Variants in CFAP47 observed in about 807,000 individuals in gnomAD.
CFAP47 encodes the protein cilia and flagella associated protein 47.
A neutral mutation model predicts 148.1 loss-of-function variants in CFAP47; 29 were observed. The ratio of observed to expected loss-of-function variants is 0.20; its 90% CI spans 0.15 to 0.27. CFAP47 has a LOEUF of 0.27. CFAP47 is among the 10% of genes least tolerant of loss of function. The probability of loss-of-function intolerance (pLI) is 1.00; values close to 1 mark genes in which losing one functional copy is unlikely to be tolerated. For synonymous variants in CFAP47, 664 were observed against 577.3 expected (o/e 1.15, Z -2.15); for missense variants, 1,872 against 1,697.5 (o/e 1.10, Z -1.81).
intron 23 of CFAP47, among the ~76,000 whole-genome samples, chrX:36,033,176 G>A (rs1184214141): frequency 8.9e-6 from 1 of 111,733 alleles, no homozygotes; most frequent in African/African-American, 3.2e-5. Context: ...AATCTGTTAT[G>A]GCAGCAACAG....
intron 39 of CFAP47, among the ~76,000 whole-genome samples, chrX:36,168,458 G>A (rs1939520649): frequency 8.9e-6 from 1 of 112,075 alleles, no homozygotes; most frequent in East Asian, 2.8e-4. Flanking sequence ...TATCTGCAAT[G>A]TATCTCTTTT....
chrX:35,929,056 A>G (rs187432827), intron 2 of CFAP47, among the ~76,000 whole-genome samples: 74 of 111,596 alleles, frequency 6.6e-4, no homozygotes, highest in African/African-American at 2.4e-3. Context: ...CCTTTGCTAT[A>G]TAGTAATTCT....
At chrX:36,298,298 C>T (rs1339788999) in intron 51 of CFAP47, among the ~76,000 whole-genome samples, 1 of 103,845 alleles carries the variant, frequency 9.6e-6, no homozygotes, top group Non-Finnish European at 2.0e-5. Context: ...TCTCAGTAAA[C>T]TATCGCAAGA....
At chrX:35,938,436 T>A (rs1935950129) in intron 2 of CFAP47, among the ~76,000 whole-genome samples, 1 of 111,807 alleles carries the variant, frequency 8.9e-6, no homozygotes, top group African/African-American at 3.2e-5. Flanking sequence ...TTAATAATTC[T>A]TATAAATGAT....
intron 33 of CFAP47, among the ~76,000 whole-genome samples, chrX:36,110,030 A>G (rs1398666279): frequency 1.8e-5 from 2 of 111,596 alleles, no homozygotes; most frequent in East Asian, 2.8e-4. Context: ...TCAGGTGCAT[A>G]GATTGCAAAA....
chrX:36,237,388 G>A (rs1311934416), intron 48 of CFAP47, among the ~76,000 whole-genome samples: 2 of 111,336 alleles, frequency 1.8e-5, no homozygotes, highest in Non-Finnish European at 3.8e-5. Context: ...GGAGGCCAGT[G>A]GTATGATCTC....
chrX:36,009,324 G>C (rs1344825473), intron 21 of CFAP47, among the ~76,000 whole-genome samples: 1 of 110,657 alleles, frequency 9.0e-6, no homozygotes. Context: ...ATCAAATTAA[G>C]AAAAAAAGCA....
chrX:36,153,042 A>G (rs1180886647), intron 37 of CFAP47, among the ~76,000 whole-genome samples: 1 of 109,117 alleles, frequency 9.2e-6, no homozygotes, highest in African/African-American at 3.5e-5. Context: ...CACCTATCAT[A>G]TAAGTCTTGT....
At chrX:36,306,069 G>C (rs1191339253) in intron 54 of CFAP47, among the ~76,000 whole-genome samples, 3 of 112,164 alleles carry the variant, frequency 2.7e-5, no homozygotes. Flanking sequence ...AAATATATTA[G>C]TGTAAAATAA....
At chrX:36,272,276 T>C (rs782705553) in intron 49 of CFAP47, among the ~76,000 whole-genome samples, 5 of 112,125 alleles carry the variant, frequency 4.5e-5, no homozygotes, top group Non-Finnish European at 7.5e-5. Context: ...GAGGTAGAAG[T>C]GCGCCAGTTA....
intron 48 of CFAP47, among the ~76,000 whole-genome samples, chrX:36,242,770 A>G (rs1417359470): frequency 8.9e-6 from 1 of 112,232 alleles, no homozygotes; most frequent in African/African-American, 3.2e-5. Context: ...GATATAGTCC[A>G]TGAAAATTTC....
At position 36,353,694 on chromosome X, in the gene CFAP47, C is replaced by T. The variant is rs45521540; in HGVS notation, c.8851+13C>T. ...GAGGATCCCAATGGTAAGAGAACTA[C>T]GGTTATAGAAAAAATAAAATGAAAA... On this transcript the variant is annotated intron_variant, in intron 60 of 63. Transcript: ENST00000378653. 3.9e-4 allele frequency: 433 copies of T among 1,105,072 alleles called. No homozygotes were observed. The highest frequency in any genetic ancestry group is 5.1e-4 in the Non-Finnish European group (426 of 834,219). 91.1% of individuals were successfully genotyped at this position (1,105,072 alleles called of 1,213,427 possible). A position where few individuals can be genotyped will look rare whatever the true frequency, so the allele number is the denominator to read the frequency against.
At chrX:36,074,110 G>GT (rs1937805344) in intron 29 of CFAP47, among the ~76,000 whole-genome samples, 1 of 111,731 alleles carries the variant, frequency 9.0e-6, no homozygotes, top group East Asian at 2.8e-4. Flanking sequence ...CCTTTTTCAG[G>GT]TTTTTTAATT....
At chrX:36,356,849 T>C (rs782665145) in intron 60 of CFAP47, among the ~76,000 whole-genome samples, 18 of 111,964 alleles carry the variant, frequency 1.6e-4, no homozygotes, top group Admixed American at 2.9e-4. Flanking sequence ...ACTTGTCTTC[T>C]CTCATCTGAG....
At chrX:36,102,486 T>TA (rs902892757) in intron 32 of CFAP47, among the ~76,000 whole-genome samples, 1 of 111,842 alleles carries the variant, frequency 8.9e-6, no homozygotes, top group African/African-American at 3.2e-5. Context: ...AGTTTTTTTT[T>TA]ACCACCGATA....
chrX:35,957,348 G>C (rs984064927), intron 8 of CFAP47, among the ~76,000 whole-genome samples: 1 of 111,316 alleles, frequency 9.0e-6, no homozygotes, highest in African/African-American at 3.3e-5. Context: ...AGTGCTTTCA[G>C]TTTCTCCTCA....
chrX:36,171,773 C>T (rs182597017), intron 39 of CFAP47, among the ~76,000 whole-genome samples: 9 of 111,491 alleles, frequency 8.1e-5, no homozygotes, highest in East Asian at 5.7e-4. Flanking sequence ...ATTGACTTGG[C>T]GATGCGGGCT....
At chrX:36,046,740 A>G (rs1036058563) in intron 25 of CFAP47, 114 bp from the exon 26 acceptor site, 1 of 469,228 alleles carries the variant, frequency 2.1e-6, no homozygotes, top group African/African-American at 2.4e-5. Context: ...GCACATGATT[A>G]CAAATATTTC....
intron 2 of CFAP47, among the ~76,000 whole-genome samples, chrX:35,940,664 C>T (rs935850471): frequency 3.6e-5 from 4 of 110,872 alleles, no homozygotes; most frequent in Non-Finnish European, 5.7e-5. Context: ...CTCTCTCCCC[C>T]GCTCTCTCTC....
Sources: allele counts gnomAD v4.1 joint callset (sites outside exome capture counted in the v4.1 genomes callset), GRCh38; gene constraint gnomAD v4.1.1; transcripts MANE v1.5; gene names NCBI Gene and HGNC (gene_info 2026-07-23, HGNC 2026-07-21).